Variants in CHCHD6 observed in about 807,000 individuals in gnomAD.
The protein encoded by CHCHD6 is MICOS complex subunit MIC25.
In CHCHD6, 28 loss-of-function variants were observed where a neutral mutation model predicts 32.3. The observed-to-expected ratio is 0.87, with a 90% CI of 0.64 to 1.19. The LOEUF (loss-of-function observed/expected upper bound fraction) is 1.19. Ranked by LOEUF, CHCHD6 falls within the 50% of genes most tolerant of loss-of-function variation. CHCHD6 has a pLI of 0.00. For synonymous variants in CHCHD6, 122 were observed against 117.5 expected, an observed-to-expected ratio of 1.04 and a Z score of -0.25; for missense variants, 333 against 307.0, an observed-to-expected ratio of 1.08 and a Z score of -0.63.
At chr3:126,716,452 C>T (rs1935021612) in intron 1 of CHCHD6, among the ~76,000 whole-genome samples, 1 of 152,128 alleles carries the variant, frequency 6.6e-6, no homozygotes. Context: ...CTGGTATCCA[C>T]TGCTCAGTGG....
intron 5 of CHCHD6, among the ~76,000 whole-genome samples, chr3:126,862,397 CCATCACCACCT>C (rs1941951128): frequency 7.6e-6 from 1 of 132,398 alleles, no homozygotes; most frequent in African/African-American, 2.9e-5. Context: ...TCCTCCTCTA[CCATCACCACCT>C]CCTCCTCCAC....
intron 1 of CHCHD6, among the ~76,000 whole-genome samples, chr3:126,707,624 C>G (rs1934553945): frequency 6.6e-6 from 1 of 152,178 alleles, no homozygotes; most frequent in Non-Finnish European, 1.5e-5. Context: ...CCAGCCTTTC[C>G]CCCTTTCCCA....
At chr3:126,862,143 C>T (rs1941922180) in intron 5 of CHCHD6, among the ~76,000 whole-genome samples, 1 of 77,784 alleles carries the variant, frequency 1.3e-5, no homozygotes, top group Non-Finnish European at 2.5e-5. Context: ...CCTCCTCCAC[C>T]ATCACCACCT....
intron 4 of CHCHD6, among the ~76,000 whole-genome samples, chr3:126,842,178 C>T (rs539641230): frequency 6.6e-6 from 1 of 152,272 alleles, no homozygotes; most frequent in East Asian, 1.9e-4. Context: ...CACTTAAGCC[C>T]AGGAGATCAA....
At chr3:126,827,539 C>G (rs898802742) in intron 4 of CHCHD6, among the ~76,000 whole-genome samples, 1 of 152,124 alleles carries the variant, frequency 6.6e-6, no homozygotes, top group Non-Finnish European at 1.5e-5. Flanking sequence ...GAACACAGTT[C>G]CAGAAACAAC....
At chr3:126,887,030 G>T (rs547596013) in intron 5 of CHCHD6, among the ~76,000 whole-genome samples, 1 of 152,306 alleles carries the variant, frequency 6.6e-6, no homozygotes, top group South Asian at 2.1e-4. Flanking sequence ...GTTTGCTTCT[G>T]ATAGCAAAGT....
At chr3:126,829,608 G>C (rs1940548879) in intron 4 of CHCHD6, among the ~76,000 whole-genome samples, 1 of 151,862 alleles carries the variant, frequency 6.6e-6, no homozygotes, top group Non-Finnish European at 1.5e-5. Flanking sequence ...AAGTCATGAG[G>C]GTGGGGCCTC....
Position 126,733,233 on chromosome 3 carries a change from A to G in CHCHD6, c.411+11A>G. The G allele has an allele frequency of 1.2e-6, 2 of 1,611,222 alleles. No homozygotes were observed. Among genetic ancestry groups the G allele is most frequent in the Non-Finnish European group, 1.7e-6 (2 of 1,178,740 alleles). On this transcript the variant is annotated intron_variant, in intron 4 of 7. Transcript: ENST00000290913. ...AAGTCAGTCCGGCTGGTGAGTGCAG[A>G]TTTTCCCTGATCTGGCCTTCTGAGC... is the stretch of plus-strand genomic sequence containing the variant.
At chr3:126,821,705 G>A (rs1156713355) in intron 4 of CHCHD6, among the ~76,000 whole-genome samples, 1 of 152,148 alleles carries the variant, frequency 6.6e-6, no homozygotes. Context: ...TTGTCTGTCT[G>A]TTTGATTATA....
chr3:126,812,485 G>A (rs1404296710), intron 4 of CHCHD6, among the ~76,000 whole-genome samples: 9 of 151,526 alleles, frequency 5.9e-5, no homozygotes, highest in Admixed American at 1.3e-4. Context: ...GTGCAGTGGC[G>A]CGATCTCGGC....
intron 4 of CHCHD6, among the ~76,000 whole-genome samples, chr3:126,834,267 A>G (rs914947706): frequency 1.3e-4 from 20 of 152,112 alleles, no homozygotes; most frequent in Non-Finnish European, 1.9e-4. Context: ...AGGGGGATCA[A>G]TAGCTATAGA....
At chr3:126,716,816 G>A (rs1272748729) in intron 1 of CHCHD6, among the ~76,000 whole-genome samples, 2 of 151,488 alleles carry the variant, frequency 1.3e-5, no homozygotes, top group African/African-American at 4.9e-5. Context: ...CAGGGGTGGG[G>A]TTGATAGGGG....
chr3:126,851,518 T>C (rs1369781985), intron 4 of CHCHD6, among the ~76,000 whole-genome samples: 1 of 152,192 alleles, frequency 6.6e-6, no homozygotes, highest in Non-Finnish European at 1.5e-5. Context: ...AGCCCTAGCA[T>C]AGGGACAGAC....
intron 5 of CHCHD6, among the ~76,000 whole-genome samples, chr3:126,868,932 T>C (rs1405965614): frequency 2.6e-5 from 4 of 152,224 alleles, no homozygotes; most frequent in African/African-American, 9.6e-5. Context: ...ATAGAGGCTG[T>C]AGCAGCTCTC....
At chr3:126,948,004 AG>A (rs1421419515) in intron 6 of CHCHD6, among the ~76,000 whole-genome samples, 2 of 152,330 alleles carry the variant, frequency 1.3e-5, no homozygotes, top group African/African-American at 4.8e-5. Flanking sequence ...ATTGAAGTGT[AG>A]CGGCTATTGC....
chr3:126,731,803 G>T (rs1463792517), intron 3 of CHCHD6, among the ~76,000 whole-genome samples: 1 of 152,104 alleles, frequency 6.6e-6, no homozygotes, highest in East Asian at 1.9e-4. Flanking sequence ...GGCCAGGTGT[G>T]GTGGCTCAAT....
At chr3:126,836,375 G>A (rs538072798) in intron 4 of CHCHD6, among the ~76,000 whole-genome samples, 14 of 152,286 alleles carry the variant, frequency 9.2e-5, no homozygotes, top group Admixed American at 7.2e-4. Flanking sequence ...GCAGCTCTCA[G>A]CTCAAATGTC....
At chr3:126,766,330 T>A in intron 4 of CHCHD6, 1 of 401,698 alleles carries the variant, frequency 2.5e-6, no homozygotes, top group Non-Finnish European at 4.7e-6. Flanking sequence ...GCACCTTAGG[T>A]CAGCTTTTGC....
chr3:126,781,966 C>G (rs116466282), intron 4 of CHCHD6, among the ~76,000 whole-genome samples: 1 of 151,922 alleles, frequency 6.6e-6, no homozygotes, highest in Non-Finnish European at 1.5e-5. Flanking sequence ...GAGTGTCACA[C>G]GAGAAATGAG....
Sources: gnomAD v4.1 joint callset for allele counts (sites outside exome capture counted in the v4.1 genomes callset) on GRCh38, gnomAD v4.1.1 for gene constraint, MANE v1.5 for transcripts, NCBI Gene and HGNC (gene_info 2026-07-23, HGNC 2026-07-21) for gene names.